CDH7: variants seen among roughly 807,000 people sequenced by gnomAD.
CDH7 encodes cadherin-7.
Under a neutral mutation model 71.8 loss-of-function variants are expected in CDH7, and 25 were observed. The ratio of observed to expected loss-of-function variants is 0.35; its 90% CI spans 0.25 to 0.49. The LOEUF (loss-of-function observed/expected upper bound fraction) is 0.49, where lower values mean the gene tolerates loss of function less well. CDH7 is among the 20% of genes least tolerant of loss of function. The pLI is 0.99. For synonymous variants in CDH7, 381 were observed against 363.8 expected (o/e 1.05, Z -0.54); for missense variants, 862 against 974.6 (o/e 0.88, Z 1.54).
At chr18:65,850,624 C>A (rs1411489071) in intron 7 of CDH7, among the ~76,000 whole-genome samples, 1 of 149,848 alleles carries the variant, frequency 6.7e-6, no homozygotes, top group Non-Finnish European at 1.5e-5. Flanking sequence ...TTATTCATAT[C>A]TTGATATATG....
At chr18:65,866,738 C>T (rs7245106) in intron 11 of CDH7, among the ~76,000 whole-genome samples, 81,973 of 151,876 alleles carry the variant, frequency 0.54, 25,812 homozygotes, top group East Asian at 0.92. Flanking sequence ...TCATGTTATC[C>T]GAAGTTGTAT....
At chr18:65,808,792 A>G (rs564625204) in intron 2 of CDH7, among the ~76,000 whole-genome samples, 2 of 152,324 alleles carry the variant, frequency 1.3e-5, no homozygotes, top group African/African-American at 4.8e-5. Flanking sequence ...TTTTACATTC[A>G]TATTAACCAA....
At chr18:65,753,363 A>G (rs902363835) in intron 1 of CDH7, among the ~76,000 whole-genome samples, 27 of 152,312 alleles carry the variant, frequency 1.8e-4, no homozygotes, top group African/African-American at 6.0e-4. Flanking sequence ...TGCTGTGGAT[A>G]TTTATTGCTG....
rs950413892 is a variant in CDH7 at position 65,890,125 on chromosome 18, C to G, written c.*9231C>G. 3.3e-5 allele frequency: 5 copies of G among 152,110 alleles called. No homozygotes were observed. The highest frequency in any genetic ancestry group is 7.4e-5 in the Non-Finnish European group (5 of 68,012). 9.4% of individuals were successfully genotyped at this position (152,110 alleles called of 1,614,324 possible). ...GGTAGCTTAACTTCACCTGAAGCCT[C>G]CTATGCCACTATCTTTATAGGAAGC... On this transcript the variant is annotated 3_prime_UTR_variant, in exon 12 of 12. Transcript: ENST00000397968.
At chr18:65,829,912 G>A (rs1165003122) in intron 6 of CDH7, among the ~76,000 whole-genome samples, 1 of 151,774 alleles carries the variant, frequency 6.6e-6, no homozygotes, top group African/African-American at 2.4e-5. Flanking sequence ...TGGCCACAAG[G>A]ATTGAATAAA....
At chr18:65,766,640 C>A (rs547331569) in intron 2 of CDH7, among the ~76,000 whole-genome samples, 2 of 151,908 alleles carry the variant, frequency 1.3e-5, no homozygotes, top group Non-Finnish European at 2.9e-5. Context: ...AATAATAGTG[C>A]CCCTTTCCTT....
intron 2 of CDH7, among the ~76,000 whole-genome samples, chr18:65,772,185 C>T (rs908569093): frequency 6.6e-6 from 1 of 152,068 alleles, no homozygotes; most frequent in Non-Finnish European, 1.5e-5. Context: ...GTGATGATCA[C>T]CAGTGAAATT....
At chr18:65,768,904 C>T (rs1204138020) in intron 2 of CDH7, among the ~76,000 whole-genome samples, 2 of 152,188 alleles carry the variant, frequency 1.3e-5, no homozygotes, top group African/African-American at 4.8e-5. Context: ...TGCTGCTAAA[C>T]CTACCCTCTG....
Position 65,883,609 on chromosome 18 carries a change from A to C in CDH7, c.*2715A>C, listed in dbSNP as rs1914293364. 6.6e-6 allele frequency: 1 copy of C among 152,112 alleles called. No homozygotes were observed. The highest frequency in any genetic ancestry group is 2.1e-4 in the South Asian group (1 of 4,834). The allele number at this position is 152,112 out of a possible 1,614,324, so 9.4% of individuals were successfully genotyped here. On this transcript the variant is annotated 3_prime_UTR_variant, in exon 12 of 12. Coordinates refer to ENST00000397968, the MANE Select transcript of CDH7 (RefSeq NM_004361.5). ...TTCATATCTCTTCCCAACTCCAGGT[A>C]CAGTGATATCATTTTGGTAGGTTGA...
At chr18:65,853,920 T>TATATATATCC (rs1555689479) in intron 7 of CDH7, among the ~76,000 whole-genome samples, 4 of 70,598 alleles carry the variant, frequency 5.7e-5, no homozygotes, top group African/African-American at 3.0e-4. Context: ...TATATATATA[T>TATATATATCC]ATATATATAT....
At chr18:65,874,128 A>C (rs147663721) in intron 11 of CDH7, among the ~76,000 whole-genome samples, 8 of 152,192 alleles carry the variant, frequency 5.3e-5, no homozygotes, top group African/African-American at 1.9e-4. Context: ...AGTTTTAGCA[A>C]TCAGTACTCA....
At chr18:65,830,030 G>A (rs1247177449) in intron 6 of CDH7, among the ~76,000 whole-genome samples, 1 of 152,176 alleles carries the variant, frequency 6.6e-6, no homozygotes, top group African/African-American at 2.4e-5. Flanking sequence ...TGGGGAAGAA[G>A]TTGAATAGTG....
chr18:65,862,120 A>G (rs1190791008), intron 10 of CDH7, among the ~76,000 whole-genome samples: 1 of 152,088 alleles, frequency 6.6e-6, no homozygotes, highest in Non-Finnish European at 1.5e-5. Context: ...GTAGCTATAA[A>G]TACCTATATA....
At chr18:65,844,128 T>C in intron 7 of CDH7, 63 bp downstream of exon 7, 1 of 1,373,968 alleles carries the variant, frequency 7.3e-7, no homozygotes, top group Non-Finnish European at 1.0e-6. Context: ...TTCACAACTC[T>C]TATTTTACGC....
chr18:65,837,340 G>A (rs995036240), intron 6 of CDH7, among the ~76,000 whole-genome samples: 4 of 152,166 alleles, frequency 2.6e-5, no homozygotes, highest in African/African-American at 9.7e-5. Flanking sequence ...CTAGGATGGA[G>A]GGTGGGGATC....
intron 2 of CDH7, among the ~76,000 whole-genome samples, chr18:65,771,188 T>A (rs951602358): frequency 6.6e-6 from 1 of 152,196 alleles, no homozygotes; most frequent in Non-Finnish European, 1.5e-5. Context: ...GGTTTCAGTT[T>A]ATGAATTCTG....
chr18:65,821,510 G>A (rs1378293675), intron 4 of CDH7, among the ~76,000 whole-genome samples: 3 of 152,094 alleles, frequency 2.0e-5, no homozygotes, highest in African/African-American at 7.2e-5. Context: ...AATGAGTAAT[G>A]TCAAAAAATA....
intron 6 of CDH7, among the ~76,000 whole-genome samples, chr18:65,842,210 T>C (rs1912758497): frequency 6.6e-6 from 1 of 152,048 alleles, no homozygotes; most frequent in Non-Finnish European, 1.5e-5. Context: ...AAAAGGAGGC[T>C]CAAGAATTTA....
At position 65,781,926 on chromosome 18, in the gene CDH7, C is replaced by CTCTT. The variant is rs1289928939; in HGVS notation, c.210+18877_210+18878insTTCT. On this transcript the variant is annotated intron_variant, in intron 2 of 11. Transcript: ENST00000397968. ...TATCTTTCTCTCTTTCTCTCTTTCTCTCTCTCTCTCTCTCTCTCTTTCTCT... is the reference window on the plus strand; with the variant it reads ...TATCTTTCTCTCTTTCTCTCTTTCTCTCTTTCTCTCTCTCTCTCTCTCTTTCTCT... 1.0e-4 allele frequency among the ~76,000 whole-genome samples: 10 copies of CTCTT among 100,126 alleles called. 3 individuals are homozygous for CTCTT. The highest frequency in any genetic ancestry group is 1.5e-4 in the Non-Finnish European group (8 of 53,708). 65.7% of individuals were successfully genotyped at this position (100,126 alleles called of 152,430 possible). A position where few individuals can be genotyped will look rare whatever the true frequency, so the allele number is the denominator to read the frequency against.
Sources: allele counts gnomAD v4.1 joint callset (sites outside exome capture counted in the v4.1 genomes callset), GRCh38; gene constraint gnomAD v4.1.1; transcripts MANE v1.5; gene names NCBI Gene and HGNC (gene_info 2026-07-23, HGNC 2026-07-21).